FHOD3: variants seen among roughly 807,000 people sequenced by gnomAD.
FHOD3 encodes formin homology 2 domain containing 3, also known as FH1/FH2 domain-containing protein 3.
A neutral mutation model predicts 173.0 loss-of-function variants in FHOD3; 90 were observed. That is an observed-to-expected ratio of 0.52 (90% CI 0.44 to 0.62). The LOEUF (loss-of-function observed/expected upper bound fraction) is 0.62, where lower values mean the gene tolerates loss of function less well. FHOD3 is among the 20% of genes least tolerant of loss of function. FHOD3 has a pLI of 0.00. For synonymous variants in FHOD3, 828 were observed against 823.0 expected (o/e 1.01, Z -0.10); for missense variants, 1,945 against 2,034.7 (o/e 0.96, Z 0.85).
chr18:36,665,390 TAA>T (rs1187999282), intron 14 of FHOD3, among the ~76,000 whole-genome samples: 1 of 152,138 alleles, frequency 6.6e-6, no homozygotes, highest in African/African-American at 2.4e-5. Flanking sequence ...CATCTGCAAA[TAA>T]AGAGTTTCCA....
At chr18:36,653,318 A>C (rs2036192766) in intron 12 of FHOD3, 24 bp from the exon 13 acceptor site, 1 of 1,515,836 alleles carries the variant, frequency 6.6e-7, no homozygotes. Context: ...CCACATTGTG[A>C]GCGGGCTTTT....
chr18:36,323,897 TA>T (rs1427464068), intron 1 of FHOD3, among the ~76,000 whole-genome samples: 2 of 152,154 alleles, frequency 1.3e-5, no homozygotes, highest in Non-Finnish European at 2.9e-5. Context: ...CTCTAAATAG[TA>T]TGTAAGAAGA....
chr18:36,447,765 T>C (rs2051581805), intron 3 of FHOD3, among the ~76,000 whole-genome samples: 1 of 152,260 alleles, frequency 6.6e-6, no homozygotes, highest in African/African-American at 2.4e-5. Context: ...CATTATCAAC[T>C]TCATGGAATA....
At chr18:36,716,703 C>G (rs1362313586) in intron 18 of FHOD3, among the ~76,000 whole-genome samples, 1 of 152,136 alleles carries the variant, frequency 6.6e-6, no homozygotes, top group African/African-American at 2.4e-5. Flanking sequence ...ACAAAAGTCA[C>G]TGGTACCTGA....
At position 36,652,788 on chromosome 18, in the gene FHOD3, C is replaced by T. The variant is rs1191626115; in HGVS notation, c.1505C>T (p.Thr502Ile). ...PASAARPSSA[T>I]PGSLKVSPTI... ...TCAGCTGCTCGGCCCTCCTCCGCCA[C>T]ACCAGGCTCCCTGAAGGTGTCACCG... The change falls in exon 12 of 29, where the codon ACA (threonine) becomes ATA (isoleucine). Residue 502 changes from threonine (T) to isoleucine (I), a missense_variant. Around this residue, in one of 5 missense-constraint regions of FHOD3, gnomAD observed 1,099 missense variants for 1,051.2 expected, o/e 1.05. Coordinates refer to ENST00000590592, the MANE Select transcript of FHOD3 (RefSeq NM_001281740.3). 3.9e-6 allele frequency: 6 copies of T among 1,536,048 alleles called. 1 individual carries two copies. In the South Asian group the frequency reaches 5.9e-5, roughly 15 times the overall value.
chr18:36,566,280 T>C (rs949898774), intron 5 of FHOD3, among the ~76,000 whole-genome samples: 3 of 151,988 alleles, frequency 2.0e-5, no homozygotes, highest in African/African-American at 7.3e-5. Context: ...GTATCTCTAA[T>C]GTATCTCTAA....
At chr18:36,589,672 C>A (rs2059146870) in intron 6 of FHOD3, among the ~76,000 whole-genome samples, 1 of 152,208 alleles carries the variant, frequency 6.6e-6, no homozygotes, top group Non-Finnish European at 1.5e-5. Flanking sequence ...TGAACTCCTT[C>A]TGCAAAGGCC....
intron 14 of FHOD3, among the ~76,000 whole-genome samples, chr18:36,677,583 A>C (rs2037946954): frequency 6.6e-6 from 1 of 152,216 alleles, no homozygotes; most frequent in African/African-American, 2.4e-5. Flanking sequence ...GTCATGGCTC[A>C]CTGTCTCACT....
In FHOD3 at chr18:36,760,867, C is replaced by T. The variant is rs371117848; in HGVS notation, c.4624+85C>T. 3.4e-4 allele frequency: 474 copies of T among 1,405,486 alleles called. No individual in the cohort carries two copies. In the African/African-American group the frequency reaches 6.5e-3, roughly 19 times the overall value. 87.1% of individuals were successfully genotyped at this position (1,405,486 alleles called of 1,614,324 possible). ...CCGGTCTCCATCGCAGGCTGCGGTC[C>T]ACGGCTGTGACTGGCCCTCGGCTCC... On this transcript the variant is annotated intron_variant, in intron 27 of 28. Coordinates refer to ENST00000590592, the MANE Select transcript of FHOD3 (RefSeq NM_001281740.3).
At chr18:36,588,264 T>C (rs993425990) in intron 6 of FHOD3, among the ~76,000 whole-genome samples, 2 of 152,212 alleles carry the variant, frequency 1.3e-5, no homozygotes, top group Admixed American at 1.3e-4. Flanking sequence ...GCTCAGAAAT[T>C]CTGAGCTTAA....
intron 14 of FHOD3, 56 bp downstream of exon 14, chr18:36,658,244 T>A (rs2036554657): frequency 1.6e-6 from 2 of 1,252,448 alleles, no homozygotes; most frequent in Admixed American, 2.6e-5. Flanking sequence ...GGGAATCAAT[T>A]TGGTTAAGTG....
At chr18:36,689,225 A>G (rs972512905) in intron 16 of FHOD3, among the ~76,000 whole-genome samples, 1 of 152,218 alleles carries the variant, frequency 6.6e-6, no homozygotes, top group African/African-American at 2.4e-5. Context: ...TCCAAGTATA[A>G]TGGAATTTGG....
At chr18:36,528,643 A>T (rs187198591) in intron 5 of FHOD3, among the ~76,000 whole-genome samples, 1,641 of 152,202 alleles carry the variant, frequency 0.011, 22 homozygotes, top group Non-Finnish European at 0.014. Context: ...GGCCCTCTGG[A>T]TACTGGGCAA....
chr18:36,392,004 C>T (rs925354280), intron 3 of FHOD3, among the ~76,000 whole-genome samples: 5 of 152,220 alleles, frequency 3.3e-5, no homozygotes, highest in Non-Finnish European at 7.3e-5. Context: ...GCTGTGCTCA[C>T]CGCACACGTA....
At chr18:36,322,676 T>G (rs182125691) in intron 1 of FHOD3, among the ~76,000 whole-genome samples, 4 of 152,242 alleles carry the variant, frequency 2.6e-5, no homozygotes, top group African/African-American at 9.6e-5. Flanking sequence ...CATGAAGCAT[T>G]CTTAGCTGCT....
chr18:36,626,978 C>T (rs1223768957), intron 10 of FHOD3, among the ~76,000 whole-genome samples: 3 of 152,174 alleles, frequency 2.0e-5, no homozygotes, highest in African/African-American at 7.2e-5. Context: ...TCTATGTTGA[C>T]ACCCCTCTTC....
intron 4 of FHOD3, among the ~76,000 whole-genome samples, chr18:36,508,204 CTG>C (rs1208265596): frequency 2.0e-5 from 3 of 151,730 alleles, no homozygotes; most frequent in African/African-American, 7.3e-5. Context: ...TTTAACAACT[CTG>C]TGTTCCTGAA....
At chr18:36,415,651 C>T (rs1242475905) in intron 3 of FHOD3, among the ~76,000 whole-genome samples, 2 of 152,168 alleles carry the variant, frequency 1.3e-5, no homozygotes, top group African/African-American at 4.8e-5. Context: ...CTATATTTAG[C>T]AGAAACCCAA....
chr18:36,693,515 T>A, intron 17 of FHOD3, 92 bp downstream of exon 17: 1 of 1,156,904 alleles, frequency 8.6e-7, no homozygotes, highest in Non-Finnish European at 1.2e-6. Context: ...TGCAGGCTAA[T>A]ACTGAGACAG....
Sources: allele counts gnomAD v4.1 joint callset (sites outside exome capture counted in the v4.1 genomes callset), GRCh38; gene constraint gnomAD v4.1.1; regional missense constraint gnomAD v4.1.1; transcripts MANE v1.5; gene names NCBI Gene and HGNC (gene_info 2026-07-23, HGNC 2026-07-21).